FGF12: variants seen among roughly 807,000 people sequenced by gnomAD.
The protein encoded by FGF12 is fibroblast growth factor 12B.
FGF12 carries 14 observed loss-of-function variants against 23.6 expected under a neutral mutation model. The ratio of observed to expected loss-of-function variants is 0.59; its 90% CI spans 0.39 to 0.93. FGF12 has a LOEUF of 0.93. FGF12 is among the 40% of genes least tolerant of loss of function. FGF12 has a pLI of 0.00. For synonymous variants in FGF12, 62 were observed against 77.3 expected (o/e 0.80, Z 1.04); for missense variants, 175 against 217.8 (o/e 0.80, Z 1.24).
In FGF12 at chr3:192,170,365, C is replaced by G. The variant is rs1715485463; in HGVS notation, c.427+93G>C. On this transcript the variant is annotated intron_variant, in intron 5 of 5. Coordinates refer to ENST00000445105, the MANE Select transcript of FGF12 (RefSeq NM_004113.6). ...AATCTTTCTTCTGATCTGTTGCATT[C>G]CAGGCAAACTCTCTGGACCAAAAGG... The G allele has an allele frequency of 1.6e-5, 15 of 945,292 alleles. 1 individual carries two copies. The highest frequency in any genetic ancestry group is 3.3e-4 in the Middle Eastern group (1 of 3,056). The allele number at this position is 945,292 out of a possible 1,614,324, so 58.6% of individuals were successfully genotyped here.
chr3:192,183,563 A>G (rs1716295479), intron 4 of FGF12, among the ~76,000 whole-genome samples: 1 of 152,220 alleles, frequency 6.6e-6, no homozygotes, highest in South Asian at 2.1e-4. Context: ...TTTATTTCTA[A>G]AGTCCCAGGA....
chr3:192,163,742 G>A (rs147050980), intron 5 of FGF12, among the ~76,000 whole-genome samples: 218 of 152,070 alleles, frequency 1.4e-3, no homozygotes, highest in Non-Finnish European at 2.6e-3. Flanking sequence ...TTTACATTCT[G>A]CTGAGTCTTA....
intron 2 of FGF12, among the ~76,000 whole-genome samples, chr3:192,510,405 G>A (rs1345928310): frequency 6.6e-6 from 1 of 152,178 alleles, no homozygotes; most frequent in African/African-American, 2.4e-5. Context: ...TCAGGGAATT[G>A]TAAATTGCAT....
chr3:192,577,298 C>G (rs1712950128), intron 2 of FGF12, among the ~76,000 whole-genome samples: 1 of 152,188 alleles, frequency 6.6e-6, no homozygotes. Context: ...CTTTTCTATA[C>G]TTTTCTACTT....
At chr3:192,179,440 C>T (rs1013799897) in intron 4 of FGF12, among the ~76,000 whole-genome samples, 1 of 151,556 alleles carries the variant, frequency 6.6e-6, no homozygotes, top group Non-Finnish European at 1.5e-5. Flanking sequence ...GACACAACTA[C>T]TCAATACTCA....
At chr3:192,460,802 T>C (rs1722841656) in intron 2 of FGF12, among the ~76,000 whole-genome samples, 1 of 152,058 alleles carries the variant, frequency 6.6e-6, no homozygotes, top group African/African-American at 2.4e-5. Flanking sequence ...CACTCTAAGC[T>C]GGTTAGGGCA....
At chr3:192,357,236 C>A (rs890341135) in intron 3 of FGF12, among the ~76,000 whole-genome samples, 1 of 152,146 alleles carries the variant, frequency 6.6e-6, no homozygotes, top group Non-Finnish European at 1.5e-5. Flanking sequence ...GTAATCCCAG[C>A]ACTTTGGGAG....
chr3:192,483,483 C>A (rs1248516745), intron 2 of FGF12, among the ~76,000 whole-genome samples: 1 of 152,068 alleles, frequency 6.6e-6, no homozygotes, highest in Non-Finnish European at 1.5e-5. Flanking sequence ...CAGAATTATG[C>A]CTGATACGGT....
intron 2 of FGF12, among the ~76,000 whole-genome samples, chr3:192,379,333 C>T (rs1417505657): frequency 6.7e-6 from 1 of 149,718 alleles, no homozygotes; most frequent in African/African-American, 2.5e-5. Flanking sequence ...TGGAGATAAC[C>T]TAACAAATTG....
At chr3:192,391,956 T>C (rs559088650) in intron 2 of FGF12, among the ~76,000 whole-genome samples, 1 of 152,200 alleles carries the variant, frequency 6.6e-6, no homozygotes, top group East Asian at 1.9e-4. Context: ...CAAAGATTTA[T>C]GTTTACTAAA....
chr3:192,658,070 C>A (rs535126526), intron 2 of FGF12, among the ~76,000 whole-genome samples: 10 of 151,870 alleles, frequency 6.6e-5, no homozygotes, highest in Non-Finnish European at 1.5e-4. Context: ...AGTACACTGA[C>A]AGAGACGCTG....
chr3:192,192,888 C>A (rs1232704298), intron 4 of FGF12, among the ~76,000 whole-genome samples: 1 of 152,110 alleles, frequency 6.6e-6, no homozygotes, highest in Non-Finnish European at 1.5e-5. Context: ...AAGTAGGAAG[C>A]ATTTTGCATC....
At chr3:192,174,994 A>G (rs1307019645) in intron 4 of FGF12, among the ~76,000 whole-genome samples, 2 of 152,208 alleles carry the variant, frequency 1.3e-5, no homozygotes, top group African/African-American at 4.8e-5. Context: ...GGTTTTTGTC[A>G]CATGTTTATA....
chr3:192,197,933 C>T (rs1012078090), intron 4 of FGF12, among the ~76,000 whole-genome samples: 2 of 85,820 alleles, frequency 2.3e-5, no homozygotes, highest in African/African-American at 5.1e-5. Context: ...GGAACAAAAG[C>T]GAAATTCCTC....
intron 4 of FGF12, among the ~76,000 whole-genome samples, chr3:192,176,930 T>C (rs1158770467): frequency 6.6e-6 from 1 of 152,236 alleles, no homozygotes; most frequent in Non-Finnish European, 1.5e-5. Context: ...CACACCGTTA[T>C]ATTATACAAC....
At chr3:192,279,600 C>T (rs1416300106) in intron 4 of FGF12, among the ~76,000 whole-genome samples, 2 of 152,144 alleles carry the variant, frequency 1.3e-5, no homozygotes, top group African/African-American at 4.8e-5. Context: ...ATCCAGGAGG[C>T]ACATGATATA....
rs141501993 is a variant in FGF12, at chr3:192,488,358, C to T, written c.14-127820G>A. 5.6e-3 allele frequency among the ~76,000 whole-genome samples: 858 copies of T among 152,134 alleles called. 9 individuals are homozygous for T. Among genetic ancestry groups the T allele is most frequent in the African/African-American group, 0.02 (825 of 41,528 alleles). On this transcript the variant is annotated intron_variant, in intron 2 of 5. Coordinates refer to ENST00000445105, the MANE Select transcript of FGF12 (RefSeq NM_004113.6). ...CGAAAATAGAGTTACCTAAATATTG[C>T]TTAACCCAGGTCTAAATTGTATCTT... is the stretch of plus-strand genomic sequence containing the variant.
At chr3:192,206,324 A>C (rs1395215500) in intron 4 of FGF12, among the ~76,000 whole-genome samples, 1 of 152,012 alleles carries the variant, frequency 6.6e-6, no homozygotes, top group Non-Finnish European at 1.5e-5. Context: ...AAAAGGGAAG[A>C]TCAATAGCCT....
At chr3:192,175,393 T>G (rs538906656) in intron 4 of FGF12, among the ~76,000 whole-genome samples, 1 of 150,582 alleles carries the variant, frequency 6.6e-6, no homozygotes, top group Non-Finnish European at 1.5e-5. Flanking sequence ...AGAAAACTTA[T>G]AGAAATCTGC....
Sources: gnomAD v4.1 joint callset for allele counts (sites outside exome capture counted in the v4.1 genomes callset) on GRCh38, gnomAD v4.1.1 for gene constraint, MANE v1.5 for transcripts, NCBI Gene and HGNC (gene_info 2026-07-23, HGNC 2026-07-21) for gene names.